The following ALK variants were observed in gnomAD, a reference collection of about 807,000 sequenced individuals.
ALK encodes ALK tyrosine kinase receptor.
A neutral mutation model predicts 163.1 loss-of-function variants in ALK; 74 were observed. The ratio of observed to expected loss-of-function variants is 0.45; its 90% CI spans 0.38 to 0.55. The LOEUF is 0.55. Among genes scored for constraint, ALK ranks in the 20% least tolerant of loss-of-function variants. The probability of loss-of-function intolerance (pLI) is 0.00; values close to 1 mark genes in which losing one functional copy is unlikely to be tolerated. For synonymous variants in ALK, 960 were observed against 843.2 expected (o/e 1.14, Z -2.40); for missense variants, 2,063 against 2,105.3 (o/e 0.98, Z 0.39).
intron 1 of ALK, among the ~76,000 whole-genome samples, chr2:29,773,417 T>A (rs1681082233): frequency 6.6e-6 from 1 of 152,112 alleles, no homozygotes; most frequent in African/African-American, 2.4e-5. Context: ...ACCTCTCTCT[T>A]CCCCTCTTTA....
intron 1 of ALK, among the ~76,000 whole-genome samples, chr2:29,897,212 C>T (rs1265251173): frequency 6.6e-6 from 1 of 151,898 alleles, no homozygotes; most frequent in African/African-American, 2.4e-5. Context: ...CCCAGCTACT[C>T]GGAAGGCTGA....
At chr2:29,400,957 CAG>C (rs1669430079) in intron 4 of ALK, among the ~76,000 whole-genome samples, 1 of 150,984 alleles carries the variant, frequency 6.6e-6, no homozygotes, top group South Asian at 2.1e-4. Flanking sequence ...CCTGGGCAAA[CAG>C]AGTGAGACTC....
chr2:29,773,630 A>G (rs182341926), intron 1 of ALK, among the ~76,000 whole-genome samples: 1 of 152,228 alleles, frequency 6.6e-6, no homozygotes, highest in African/African-American at 2.4e-5. Context: ...TATTTTTCAG[A>G]CAAATATAAG....
At chr2:29,634,669 A>T (rs1676472757) in intron 3 of ALK, among the ~76,000 whole-genome samples, 1 of 152,206 alleles carries the variant, frequency 6.6e-6, no homozygotes, top group South Asian at 2.1e-4. Flanking sequence ...CTAACACTGT[A>T]TATAATAGTA....
chr2:29,770,543 C>A (rs1396125321), intron 1 of ALK, among the ~76,000 whole-genome samples: 1 of 152,096 alleles, frequency 6.6e-6, no homozygotes, highest in Admixed American at 6.5e-5. Context: ...GGGATAAAAG[C>A]AACCAAATAA....
chr2:29,879,387 T>A (rs1450557314), intron 1 of ALK, among the ~76,000 whole-genome samples: 1 of 152,186 alleles, frequency 6.6e-6, no homozygotes, highest in East Asian at 1.9e-4. Context: ...AAAAAGGTCT[T>A]GCAAGGAAAA....
chr2:29,479,764 C>T (rs902975190), intron 4 of ALK, among the ~76,000 whole-genome samples: 13 of 152,276 alleles, frequency 8.5e-5, no homozygotes, highest in Admixed American at 2.0e-4. Flanking sequence ...CTCCTACCAC[C>T]GCCCCCAGAT....
chr2:29,878,513 T>C (rs1280481695), intron 1 of ALK, among the ~76,000 whole-genome samples: 1 of 152,192 alleles, frequency 6.6e-6, no homozygotes, highest in Non-Finnish European at 1.5e-5. Context: ...AGTTTTGTTC[T>C]TTTAGCCATC....
intron 1 of ALK, among the ~76,000 whole-genome samples, chr2:29,738,281 A>G (rs1679950785): frequency 6.6e-6 from 1 of 152,048 alleles, no homozygotes. Flanking sequence ...ATGGAAAGAG[A>G]AGGACCAAAT....
intron 4 of ALK, among the ~76,000 whole-genome samples, chr2:29,514,718 A>G (rs1672616377): frequency 6.6e-6 from 1 of 152,194 alleles, no homozygotes. Context: ...CCAGTTGGTC[A>G]AGCTAAAAAT....
intron 1 of ALK, among the ~76,000 whole-genome samples, chr2:29,851,277 T>A (rs1310132316): frequency 2.0e-5 from 3 of 152,144 alleles, no homozygotes; most frequent in African/African-American, 7.2e-5. Context: ...AACTGCAAAA[T>A]CTTTTCCCCG....
At chr2:29,379,893 G>T (rs1668853450) in intron 5 of ALK, among the ~76,000 whole-genome samples, 1 of 152,168 alleles carries the variant, frequency 6.6e-6, no homozygotes, top group Non-Finnish European at 1.5e-5. Flanking sequence ...TATTGTGTTA[G>T]TCCATTCTCA....
intron 5 of ALK, among the ~76,000 whole-genome samples, chr2:29,358,804 G>A (rs902792712): frequency 6.6e-6 from 1 of 152,092 alleles, no homozygotes; most frequent in Admixed American, 6.5e-5. Context: ...TCCCCCATGA[G>A]GGTACTTAAT....
At position 29,778,447 on chromosome 2, in the gene ALK, C is replaced by T. The variant is rs184022556; in HGVS notation, c.668-60750G>A. Among the ~76,000 whole-genome samples, 255 of 152,304 alleles carry T rather than the reference C, an allele frequency of 1.7e-3. 5 individuals are homozygous for T. The highest frequency in any genetic ancestry group is 3.1e-4 in the Non-Finnish European group (21 of 68,038). On this transcript the variant is annotated intron_variant, in intron 1 of 28. Coordinates refer to ENST00000389048, the MANE Select transcript of ALK (RefSeq NM_004304.5). The stretch of plus-strand genomic sequence containing the variant: ...AAATTTGGAGAAGATGACTTCCCAA[C>T]AGAGCAGGAGGTGGAGTTCTGTGTG...
chr2:29,860,045 G>A (rs557884287), intron 1 of ALK, among the ~76,000 whole-genome samples: 6 of 152,268 alleles, frequency 3.9e-5, no homozygotes, highest in African/African-American at 1.4e-4. Flanking sequence ...GCCCATGAGA[G>A]GGAAGGGGAG....
intron 1 of ALK, among the ~76,000 whole-genome samples, chr2:29,864,474 C>A (rs1666374830): frequency 6.6e-6 from 1 of 152,158 alleles, no homozygotes. Flanking sequence ...TTTTACTTTT[C>A]TACTTAGTGT....
At chr2:29,542,327 TC>T (rs963540438) in intron 3 of ALK, among the ~76,000 whole-genome samples, 11 of 152,222 alleles carry the variant, frequency 7.2e-5, no homozygotes, top group Admixed American at 3.9e-4. Context: ...AAAAAATTAC[TC>T]CCTTCGTCTT....
intron 4 of ALK, among the ~76,000 whole-genome samples, chr2:29,450,112 G>T (rs777121096): frequency 7.2e-5 from 11 of 152,232 alleles, no homozygotes; most frequent in African/African-American, 2.4e-4. Flanking sequence ...TCCTGTGACC[G>T]CAGGGAAAGA....
chr2:29,510,467 C>CT (rs1672479901), intron 4 of ALK, among the ~76,000 whole-genome samples: 1 of 152,084 alleles, frequency 6.6e-6, no homozygotes, highest in Non-Finnish European at 1.5e-5. Flanking sequence ...CTCAGTTCAT[C>CT]TTTTTTGGGA....
Sources: allele counts gnomAD v4.1 joint callset (sites outside exome capture counted in the v4.1 genomes callset), GRCh38; gene constraint gnomAD v4.1.1; transcripts MANE v1.5; gene names NCBI Gene and HGNC (gene_info 2026-07-23, HGNC 2026-07-21).